The following AKAP19 variants were observed in gnomAD, a reference collection of about 807,000 sequenced individuals.
AKAP19 encodes the protein A-kinase anchoring protein 19.
chr2:190,186,901 G>A, the AKAP19 span, among the ~76,000 whole-genome samples: 3 of 152,052 alleles, frequency 2.0e-5, no homozygotes, highest in East Asian at 1.9e-4. This position sits in a 1 kb window ranked among gnomAD's most constrained non-coding sequence, Gnocchi z 5.5. Context: ...GTGCAGTGGC[G>A]TGACCATGGC....
the AKAP19 span, among the ~76,000 whole-genome samples, chr2:190,110,567 AAAT>A: frequency 2.6e-5 from 4 of 152,244 alleles, no homozygotes; most frequent in African/African-American, 9.6e-5. Context: ...TAAAGAGAAT[AAAT>A]AATAATATTA....
the AKAP19 span, among the ~76,000 whole-genome samples, chr2:190,035,442 A>G: frequency 6.6e-6 from 1 of 152,082 alleles, no homozygotes; most frequent in Non-Finnish European, 1.5e-5. Flanking sequence ...AAAAAAAAAA[A>G]AGATTATCTT....
the AKAP19 span, among the ~76,000 whole-genome samples, chr2:190,038,971 TTTCTTC>T: frequency 2.7e-4 from 27 of 99,086 alleles, no homozygotes; most frequent in Admixed American, 1.1e-4. Context: ...CTTCTTCTTC[TTTCTTC>T]TTCTTCTTCC....
the AKAP19 span, among the ~76,000 whole-genome samples, chr2:190,130,972 G>T: frequency 6.6e-6 from 1 of 152,048 alleles, no homozygotes; most frequent in Non-Finnish European, 1.5e-5. Context: ...TTGCTGTAAG[G>T]GGTCCATGGC....
chr2:189,934,369 G>A, the AKAP19 span, among the ~76,000 whole-genome samples: 1 of 151,962 alleles, frequency 6.6e-6, no homozygotes, highest in African/African-American at 2.4e-5. Flanking sequence ...ATGAACAGAT[G>A]CAGATTCCAT....
chr2:190,096,226 C>T, the AKAP19 span, among the ~76,000 whole-genome samples: 3 of 152,286 alleles, frequency 2.0e-5, no homozygotes, highest in South Asian at 6.2e-4. Flanking sequence ...ACGAAAGTCT[C>T]CTGTGGCCCA....
chr2:190,202,279 A>G, the AKAP19 span: 1 of 167,126 alleles, frequency 6.0e-6, no homozygotes, highest in East Asian at 1.9e-4. Context: ...AATAGAGTAC[A>G]ATATCTTCTG....
the AKAP19 span, among the ~76,000 whole-genome samples, chr2:189,941,433 T>C: frequency 1.3e-5 from 2 of 152,170 alleles, no homozygotes; most frequent in African/African-American, 2.4e-5. Flanking sequence ...ATAAGCAGTA[T>C]AAAAATATGT....
chr2:190,001,907 G>A, the AKAP19 span, among the ~76,000 whole-genome samples: 2 of 152,178 alleles, frequency 1.3e-5, no homozygotes, highest in South Asian at 2.1e-4. Context: ...CCTTAGACAC[G>A]TAGAGTCAAG....
At chr2:190,189,568 G>A in the AKAP19 span, among the ~76,000 whole-genome samples, 1 of 152,266 alleles carries the variant, frequency 6.6e-6, no homozygotes, top group East Asian at 1.9e-4. Flanking sequence ...TAATATCTAG[G>A]TATTTTTGAT....
the AKAP19 span, among the ~76,000 whole-genome samples, chr2:190,038,922 C>CTTTCT: frequency 4.4e-4 from 58 of 131,482 alleles, no homozygotes; most frequent in African/African-American, 1.9e-3. Flanking sequence ...TCTTCTTCTT[C>CTTTCT]TTCTTCTTCT....
the AKAP19 span, among the ~76,000 whole-genome samples, chr2:190,143,000 C>T: frequency 6.6e-6 from 1 of 151,868 alleles, no homozygotes; most frequent in Non-Finnish European, 1.5e-5. Flanking sequence ...CAGTACTACC[C>T]ATTTTTATAC....
chr2:190,063,265 G>T, the AKAP19 span, among the ~76,000 whole-genome samples: 1 of 151,998 alleles, frequency 6.6e-6, no homozygotes, highest in African/African-American at 2.4e-5. Context: ...TCTATAATTT[G>T]AGAAACTTGT....
the AKAP19 span, among the ~76,000 whole-genome samples, chr2:189,972,523 T>A: frequency 6.6e-6 from 1 of 152,216 alleles, no homozygotes; most frequent in Non-Finnish European, 1.5e-5. Flanking sequence ...GCAAAGAAAG[T>A]CATTGGTAGC....
the AKAP19 span, among the ~76,000 whole-genome samples, chr2:190,049,629 A>G: frequency 6.6e-6 from 1 of 152,222 alleles, no homozygotes; most frequent in Admixed American, 6.5e-5. Context: ...AAACAAATGC[A>G]ATGAGCATGG....
the AKAP19 span, chr2:190,089,713 C>T: frequency 6.6e-6 from 1 of 152,132 alleles, no homozygotes; most frequent in East Asian, 1.9e-4. Context: ...ACTGTTGATG[C>T]TCAAAGGTAG....
At chr2:190,155,489 A>T in the AKAP19 span, among the ~76,000 whole-genome samples, 2 of 152,188 alleles carry the variant, frequency 1.3e-5, no homozygotes, top group Non-Finnish European at 2.9e-5. Context: ...GAATAGAATA[A>T]CTATTAGATT....
chr2:189,993,859 C>T, the AKAP19 span, among the ~76,000 whole-genome samples: 9 of 152,084 alleles, frequency 5.9e-5, no homozygotes, highest in Admixed American at 5.9e-4. Flanking sequence ...TAATACCTCC[C>T]ATTACATTTC....
At chr2:190,116,015 A>G in the AKAP19 span, among the ~76,000 whole-genome samples, 1 of 152,142 alleles carries the variant, frequency 6.6e-6, no homozygotes, top group South Asian at 2.1e-4. Context: ...TTGCACAGCT[A>G]TAATTTCTAC....
Sources: gnomAD v4.1 joint callset for allele counts (sites outside exome capture counted in the v4.1 genomes callset) on GRCh38, gnomAD v4.1.1 for gene constraint, Gnocchi (gnomAD v3.1) non-coding constraint, MANE v1.5 for transcripts, NCBI Gene and HGNC (gene_info 2026-07-23, HGNC 2026-07-21) for gene names.